ATXN7L1: variants seen among roughly 807,000 people sequenced by gnomAD.
ATXN7L1 encodes ataxin 7 like 1.
In ATXN7L1, 15 loss-of-function variants were observed where a neutral mutation model predicts 70.8. That is an observed-to-expected ratio of 0.21 (90% confidence interval 0.14 to 0.33). The LOEUF is 0.33. Among genes scored for constraint, ATXN7L1 ranks in the 10% least tolerant of loss-of-function variants. ATXN7L1 has a pLI of 1.00. For missense variants in ATXN7L1, 975 were observed against 1,097.1 expected, an observed-to-expected ratio of 0.89 and a Z score of 1.57; for synonymous variants, 440 against 445.1, an observed-to-expected ratio of 0.99 and a Z score of 0.14.
chr7:105,655,874 C>T (rs1443383819), intron 4 of ATXN7L1, among the ~76,000 whole-genome samples: 2 of 152,126 alleles, frequency 1.3e-5, no homozygotes, highest in Non-Finnish European at 2.9e-5. Flanking sequence ...CCTCCCCCAC[C>T]TGCTGCAGGG....
chr7:105,802,179 G>A (rs1416572491), intron 2 of ATXN7L1, among the ~76,000 whole-genome samples: 1 of 152,142 alleles, frequency 6.6e-6, no homozygotes, highest in Non-Finnish European at 1.5e-5. Context: ...AACGAGTCAA[G>A]GCATAGACGC....
rs138299063 is a variant in ATXN7L1 at position 105,674,103 on chromosome 7, C to T, written c.356-8815G>A. ...TGGCAGGGCTGAGGAGCCGAGGAGG[C>T]GTTCCTTAAGCAAAGGTTATGCTAG... On this transcript the variant is annotated intron_variant, in intron 3 of 11. Coordinates refer to ENST00000419735, the MANE Select transcript of ATXN7L1 (RefSeq NM_020725.2). Among the ~76,000 whole-genome samples, 8 of 152,304 alleles carry T rather than the reference C, an allele frequency of 5.3e-5. No homozygotes were observed. The East Asian group carries it at 1.3e-3, about 26-fold the overall frequency.
chr7:105,758,053 T>C (rs1393197261), intron 3 of ATXN7L1, among the ~76,000 whole-genome samples: 1 of 152,132 alleles, frequency 6.6e-6, no homozygotes, highest in Non-Finnish European at 1.5e-5. Flanking sequence ...TAAGCCTTTT[T>C]TCCATCCTTG....
chr7:105,640,434 G>A (rs1798007276), intron 5 of ATXN7L1, among the ~76,000 whole-genome samples: 1 of 152,210 alleles, frequency 6.6e-6, no homozygotes, highest in Non-Finnish European at 1.5e-5. Context: ...CTTCTAAGGA[G>A]CCTGCTCTTT....
chr7:105,615,404 C>T (rs547095147), intron 9 of ATXN7L1, among the ~76,000 whole-genome samples: 4 of 152,182 alleles, frequency 2.6e-5, no homozygotes, highest in African/African-American at 9.6e-5. Context: ...AGCATCCTCT[C>T]GCCTTTGCTG....
chr7:105,726,621 A>T (rs981713023), intron 3 of ATXN7L1, among the ~76,000 whole-genome samples: 4 of 152,182 alleles, frequency 2.6e-5, no homozygotes, highest in African/African-American at 9.7e-5. Context: ...CTGCAGATGC[A>T]TTTTGGGAGT....
At chr7:105,869,550 T>C (rs1270915388) in intron 2 of ATXN7L1, among the ~76,000 whole-genome samples, 1 of 152,218 alleles carries the variant, frequency 6.6e-6, no homozygotes, top group Non-Finnish European at 1.5e-5. Context: ...CTCCTAAGCC[T>C]GAGCTGAACA....
At chr7:105,814,451 G>C (rs1808896639) in intron 2 of ATXN7L1, among the ~76,000 whole-genome samples, 1 of 151,966 alleles carries the variant, frequency 6.6e-6, no homozygotes, top group Non-Finnish European at 1.5e-5. Context: ...TTTTTTTCCA[G>C]GTTGTATGTC....
rs563610159 is a variant in ATXN7L1, at chr7:105,700,901, C to T, written c.356-35613G>A. 3.3e-5 allele frequency among the ~76,000 whole-genome samples: 5 copies of T among 152,198 alleles called. No homozygotes were observed. The South Asian group carries it at 6.2e-4, about 19-fold the overall frequency. On this transcript the variant is annotated intron_variant, in intron 3 of 11. Coordinates refer to ENST00000419735, the MANE Select transcript of ATXN7L1 (RefSeq NM_020725.2). The stretch of plus-strand genomic sequence containing the variant: ...TTCACCATGTTGTGCAGGCTGCTCT[C>T]GAACTCCTGAGTTCAAGTGATCTGC...
chr7:105,729,301 GAATAAATAAATAAATA>G (rs56308500), intron 3 of ATXN7L1, among the ~76,000 whole-genome samples: 7 of 147,658 alleles, frequency 4.7e-5, no homozygotes, highest in South Asian at 2.2e-4. Flanking sequence ...ATGAATGAAT[GAATAAATAAATAAATA>G]AATAAATAAA....
intron 2 of ATXN7L1, among the ~76,000 whole-genome samples, chr7:105,856,412 C>G (rs963148970): frequency 2.6e-5 from 4 of 151,808 alleles, no homozygotes; most frequent in African/African-American, 9.7e-5. Context: ...ATGGTGAAAC[C>G]CTGTTTCTAT....
intron 2 of ATXN7L1, among the ~76,000 whole-genome samples, chr7:105,797,899 T>A (rs921644819): frequency 1.3e-5 from 2 of 152,216 alleles, no homozygotes; most frequent in Admixed American, 1.3e-4. Context: ...CCTTCCTATC[T>A]CCATAGTCAA....
chr7:105,665,561 T>C (rs755130595), intron 3 of ATXN7L1, among the ~76,000 whole-genome samples: 1 of 152,182 alleles, frequency 6.6e-6, no homozygotes, highest in Non-Finnish European at 1.5e-5. Context: ...GCCATCTTTC[T>C]GCAAAACCAC....
At chr7:105,750,404 T>C (rs1488974992) in intron 3 of ATXN7L1, among the ~76,000 whole-genome samples, 1 of 151,550 alleles carries the variant, frequency 6.6e-6, no homozygotes, top group East Asian at 2.0e-4. Flanking sequence ...GTTTCTTGAG[T>C]AGCTAGGACT....
In ATXN7L1 at chr7:105,665,189, A is replaced by G; in HGVS notation, c.455T>C (p.Leu152Pro). ...SLVQVKTKAC[L>P]SGHHSASSTS... ...GCTGCTGGCAGAGTGATGGCCGCTG[A>G]GACAGGCTTTTGTTTTCACCTGTAC... is the stretch of plus-strand genomic sequence containing the variant. Residue 152 changes from leucine to proline, a missense_variant, in exon 4 of 12, where the codon CTC becomes CCC. Leu to Pro is a moderately conservative substitution (Grantham distance 98). Coordinates refer to ENST00000419735, the MANE Select transcript of ATXN7L1 (RefSeq NM_020725.2). The G allele has an allele frequency of 1.3e-6, 2 of 1,551,654 alleles. No individual in the cohort carries two copies. The highest frequency in any genetic ancestry group is 2.4e-5 in the South Asian group (2 of 84,066).
At chr7:105,629,465 T>C (rs1192154259) in intron 7 of ATXN7L1, among the ~76,000 whole-genome samples, 1 of 148,200 alleles carries the variant, frequency 6.7e-6, no homozygotes, top group Non-Finnish European at 1.5e-5. Flanking sequence ...AAATAATATA[T>C]ATAATTATAT....
chr7:105,842,196 G>GT (rs11345494), intron 2 of ATXN7L1, among the ~76,000 whole-genome samples: 21,963 of 148,538 alleles, frequency 0.15, 1,705 homozygotes, highest in Middle Eastern at 0.22. Context: ...AAGTAGAAGG[G>GT]TTTTTTTTTT....
chr7:105,719,408 G>A (rs1214295599), intron 3 of ATXN7L1, among the ~76,000 whole-genome samples: 3 of 152,160 alleles, frequency 2.0e-5, no homozygotes, highest in African/African-American at 7.2e-5. Context: ...ATTTGTGTAA[G>A]GCCTTATAGT....
At chr7:105,742,117 C>G (rs973390720) in intron 3 of ATXN7L1, among the ~76,000 whole-genome samples, 1 of 152,300 alleles carries the variant, frequency 6.6e-6, no homozygotes, top group East Asian at 1.9e-4. Context: ...CACATTGTCA[C>G]GAACAGAGGC....
Sources: gnomAD v4.1 joint callset for allele counts (sites outside exome capture counted in the v4.1 genomes callset) on GRCh38, gnomAD v4.1.1 for gene constraint, MANE v1.5 for transcripts, NCBI Gene and HGNC (gene_info 2026-07-23, HGNC 2026-07-21) for gene names.